ADAM2: variants seen among roughly 807,000 people sequenced by gnomAD.
ADAM2 encodes disintegrin and metalloproteinase domain-containing protein 2.
ADAM2 carries 101 observed loss-of-function variants against 99.3 expected under a neutral mutation model. The ratio of observed to expected loss-of-function variants is 1.02; its 90% CI spans 0.87 to 1.20. The LOEUF is 1.20. Ranked by LOEUF, ADAM2 falls within the 50% of genes most tolerant of loss-of-function variation. The probability of loss-of-function intolerance (pLI) is 0.00; values close to 1 mark genes in which losing one functional copy is unlikely to be tolerated. For missense variants in ADAM2, 948 were observed against 878.7 expected (o/e 1.08, Z -1.00); for synonymous variants, 323 against 287.6 (o/e 1.12, Z -1.25).
At chr8:39,795,043 T>C (rs936496313) in intron 7 of ADAM2, among the ~76,000 whole-genome samples, 2 of 151,362 alleles carry the variant, frequency 1.3e-5, no homozygotes, top group African/African-American at 4.9e-5. Context: ...CTTTATCTAC[T>C]AAAAAAAAAT....
chr8:39,784,185 T>G (rs1803356831), intron 10 of ADAM2, among the ~76,000 whole-genome samples: 2 of 152,162 alleles, frequency 1.3e-5, no homozygotes, highest in Non-Finnish European at 2.9e-5. Context: ...CTTACTTCTG[T>G]GAACATTGTT....
intron 7 of ADAM2, among the ~76,000 whole-genome samples, chr8:39,790,864 A>G (rs1291541666): frequency 5.3e-5 from 8 of 151,900 alleles, no homozygotes. Flanking sequence ...GATTAAATGT[A>G]ATATTTTAAT....
intron 18 of ADAM2, among the ~76,000 whole-genome samples, chr8:39,747,348 C>T (rs1271138746): frequency 1.3e-5 from 2 of 152,180 alleles, no homozygotes; most frequent in Non-Finnish European, 2.9e-5. Context: ...ACTCGCAAAT[C>T]TCTTTGACAT....
intron 15 of ADAM2, among the ~76,000 whole-genome samples, chr8:39,757,352 T>C (rs186563834): frequency 5.3e-5 from 8 of 152,282 alleles, no homozygotes; most frequent in Admixed American, 5.2e-4. Context: ...GAAAGGACTA[T>C]ATAACTGAGC....
intron 14 of ADAM2, among the ~76,000 whole-genome samples, chr8:39,765,224 T>C (rs1802525949): frequency 6.6e-6 from 1 of 152,078 alleles, no homozygotes. Flanking sequence ...TAGAGATACT[T>C]TTGGCATAGG....
chr8:39,810,923 A>G (rs1218900194), intron 6 of ADAM2, among the ~76,000 whole-genome samples: 1 of 152,176 alleles, frequency 6.6e-6, no homozygotes, highest in Non-Finnish European at 1.5e-5. Flanking sequence ...AAGGCAAGAA[A>G]TAACTAAGAT....
chr8:39,790,693 A>G lies in ADAM2; in HGVS notation c.571-1953T>C, dbSNP rs535426844. 8.5e-5 allele frequency among the ~76,000 whole-genome samples: 13 copies of G among 152,126 alleles called. 1 individual carries two copies. Among genetic ancestry groups the G allele is most frequent in the African/African-American group, 3.1e-4 (13 of 41,554 alleles). On this transcript the variant is annotated intron_variant, in intron 7 of 20. Coordinates refer to ENST00000265708, the MANE Select transcript of ADAM2 (RefSeq NM_001464.5). ...ACATAGTTTAACATCATAAAATATAAGTTACATTTCAATAAAGATTTTTAA... is the reference window on the plus strand; with the variant it reads ...ACATAGTTTAACATCATAAAATATAGGTTACATTTCAATAAAGATTTTTAA...
At chr8:39,758,243 A>G (rs1802223950) in intron 15 of ADAM2, among the ~76,000 whole-genome samples, 1 of 152,192 alleles carries the variant, frequency 6.6e-6, no homozygotes, top group African/African-American at 2.4e-5. Context: ...AGAAAAAAAA[A>G]GAAATAAAGG....
chr8:39,791,365 G>T (rs1211613839), intron 7 of ADAM2, among the ~76,000 whole-genome samples: 1 of 152,036 alleles, frequency 6.6e-6, no homozygotes, highest in Non-Finnish European at 1.5e-5. Flanking sequence ...TGATAAATCT[G>T]CCTGACACAG....
At chr8:39,771,168 A>G (rs1802765977) in intron 11 of ADAM2, among the ~76,000 whole-genome samples, 1 of 152,150 alleles carries the variant, frequency 6.6e-6, no homozygotes. Context: ...CCTCCATCAA[A>G]TAGTCTACTA....
chr8:39,801,921 C>A (rs1001815406), intron 7 of ADAM2, among the ~76,000 whole-genome samples: 1 of 152,164 alleles, frequency 6.6e-6, no homozygotes, highest in Non-Finnish European at 1.5e-5. Context: ...GCCCTTCCCC[C>A]GCCCAGGGAG....
At chr8:39,791,246 G>A (rs1312980513) in intron 7 of ADAM2, among the ~76,000 whole-genome samples, 5 of 151,990 alleles carry the variant, frequency 3.3e-5, no homozygotes, top group African/African-American at 1.2e-4. Flanking sequence ...AAGGGGCCCA[G>A]TTAATCTAAG....
chr8:39,760,909 A>C (rs1802340347), intron 15 of ADAM2, among the ~76,000 whole-genome samples: 1 of 132,750 alleles, frequency 7.5e-6, no homozygotes, highest in Non-Finnish European at 1.7e-5. Context: ...AAAAAAAAAA[A>C]AATTAAAGTA....
At chr8:39,771,173 C>T (rs1037570946) in intron 11 of ADAM2, among the ~76,000 whole-genome samples, 1 of 152,202 alleles carries the variant, frequency 6.6e-6, no homozygotes, top group African/African-American at 2.4e-5. Flanking sequence ...ATCAAATAGT[C>T]TACTATTTCC....
intron 3 of ADAM2, among the ~76,000 whole-genome samples, chr8:39,830,345 T>C (rs948083072): frequency 3.3e-5 from 5 of 152,114 alleles, no homozygotes; most frequent in Admixed American, 3.3e-4. Flanking sequence ...AGCTGATAGA[T>C]TGTTTTTGAA....
chr8:39,835,571 T>C (rs1242372110), intron 2 of ADAM2, among the ~76,000 whole-genome samples: 2 of 151,532 alleles, frequency 1.3e-5, no homozygotes, highest in Non-Finnish European at 2.9e-5. Context: ...TAGTCCCAGC[T>C]ACTCAGGAGG....
chr8:39,749,608 C>T lies in ADAM2; in HGVS notation c.1875+59G>A, dbSNP rs201969. On this transcript the variant is annotated intron_variant, in intron 17 of 20. Transcript: ENST00000265708. ...GTGCGTGTGTGTGTGTGTAGCAATG[C>T]AGTTTCCTAAAATTAGGCTCAATGA... 4.4e-3 allele frequency: 6,315 copies of T among 1,434,790 alleles called. 251 individuals are homozygous for T. The African/African-American group carries it at 0.08, about 18-fold the overall frequency. 88.9% of individuals were successfully genotyped at this position (1,434,790 alleles called of 1,614,324 possible).
chr8:39,761,507 C>T (rs900710482), intron 14 of ADAM2, among the ~76,000 whole-genome samples: 1 of 152,168 alleles, frequency 6.6e-6, no homozygotes, highest in Admixed American at 6.5e-5. Context: ...ATATCCTAGA[C>T]ATACTCCAGA....
intron 18 of ADAM2, among the ~76,000 whole-genome samples, chr8:39,748,940 C>T (rs1450571862): frequency 6.6e-6 from 1 of 152,076 alleles, no homozygotes; most frequent in Non-Finnish European, 1.5e-5. Flanking sequence ...TCTAGTAATA[C>T]CACCTCTTTT....
Sources: allele counts gnomAD v4.1 joint callset (sites outside exome capture counted in the v4.1 genomes callset), GRCh38; gene constraint gnomAD v4.1.1; transcripts MANE v1.5; gene names NCBI Gene and HGNC (gene_info 2026-07-23, HGNC 2026-07-21).